The following SFSWAP variants were observed in gnomAD, a reference collection of about 807,000 sequenced individuals.
The protein encoded by SFSWAP is splicing factor, suppressor of white-apricot homolog.
Under a neutral mutation model 100.7 loss-of-function variants are expected in SFSWAP, and 17 were observed. The observed-to-expected ratio is 0.17, with a 90% confidence interval of 0.12 to 0.25. SFSWAP has a LOEUF of 0.25. Among genes scored for constraint, SFSWAP ranks in the 10% least tolerant of loss-of-function variants. SFSWAP has a pLI of 1.00. For synonymous variants in SFSWAP, 504 were observed against 510.1 expected (o/e 0.99, Z 0.16); for missense variants, 1,005 against 1,262.6 (o/e 0.80, Z 3.09).
chr12:131,787,585 G>T (rs1424147746), intron 15 of SFSWAP, among the ~76,000 whole-genome samples: 1 of 152,234 alleles, frequency 6.6e-6, no homozygotes, highest in Admixed American at 6.5e-5. Context: ...GCACATCGTA[G>T]CCTTGAGCTT....
intron 7 of SFSWAP, among the ~76,000 whole-genome samples, chr12:131,731,838 A>AT (rs918886866): frequency 2.6e-5 from 3 of 115,360 alleles, no homozygotes; most frequent in East Asian, 2.6e-4. Flanking sequence ...CATTTGGTTG[A>AT]TTTTTTTTCT....
intron 7 of SFSWAP, among the ~76,000 whole-genome samples, chr12:131,749,320 C>A (rs965917817): frequency 1.2e-4 from 18 of 152,188 alleles, no homozygotes; most frequent in African/African-American, 4.1e-4. Context: ...CAGCAGGAGC[C>A]CCTTGGCACA....
chr12:131,772,026 A>G (rs57805795), intron 13 of SFSWAP, among the ~76,000 whole-genome samples: 3,589 of 152,150 alleles, frequency 0.024, 140 homozygotes, highest in African/African-American at 0.079. Flanking sequence ...GCCTGGGCCC[A>G]TGTTTCTTCG....
chr12:131,754,627 C>CTTTTTTTTTTTTTTTTTTTT (rs869226840), intron 9 of SFSWAP, 128 bp downstream of exon 9: 4 of 79,840 alleles, frequency 5.0e-5, no homozygotes, highest in Admixed American at 2.2e-4. Context: ...GCTCAAATGT[C>CTTTTTTTTTTTTTTTTTTTT]TTTTTTTTTT....
At chr12:131,716,939 G>T (rs747949006) in intron 3 of SFSWAP, among the ~76,000 whole-genome samples, 67 of 152,264 alleles carry the variant, frequency 4.4e-4, no homozygotes, top group Non-Finnish European at 8.5e-4. Context: ...TTAAGATAAA[G>T]TTCTCTTTAG....
At position 131,725,303 on chromosome 12, in the gene SFSWAP, A is replaced by G; in HGVS notation, c.607-102A>G. 1.0e-6 allele frequency: 1 copy of G among 973,712 alleles called. No individual in the cohort carries two copies. Among genetic ancestry groups the G allele is most frequent in the Non-Finnish European group, 1.6e-6 (1 of 619,192 alleles). 60.3% of individuals were successfully genotyped at this position (973,712 alleles called of 1,614,324 possible). ...CAGCTTAAAGTCTCGTATCTCTTAA[A>G]ATTGACAGTAAAACCAGAGTCATTT... On this transcript the variant is annotated intron_variant, in intron 4 of 17. Coordinates refer to ENST00000261674, the MANE Select transcript of SFSWAP (RefSeq NM_004592.4). The surrounding 1 kb of genome is among the most constrained non-coding windows in gnomAD (Gnocchi z 4.3).
At chr12:131,799,337 C>A in intron 17 of SFSWAP, 86 bp from the exon 18 acceptor site, 2 of 1,415,386 alleles carry the variant, frequency 1.4e-6, no homozygotes, top group Non-Finnish European at 2.0e-6. Context: ...CTGGTCTTGA[C>A]CACCAACTCG....
At chr12:131,777,201 T>G (rs560819737) in intron 13 of SFSWAP, among the ~76,000 whole-genome samples, 1 of 152,330 alleles carries the variant, frequency 6.6e-6, no homozygotes, top group South Asian at 2.1e-4. Flanking sequence ...TGCAGGTTAG[T>G]TACATATGTA....
chr12:131,791,082 A>G (rs1885197175), intron 15 of SFSWAP, among the ~76,000 whole-genome samples: 1 of 152,188 alleles, frequency 6.6e-6, no homozygotes, highest in Non-Finnish European at 1.5e-5. Flanking sequence ...AAAGGCAGTG[A>G]TTGTGGAGTG....
chr12:131,759,992 T>A (rs931737165), intron 11 of SFSWAP, among the ~76,000 whole-genome samples: 3 of 152,198 alleles, frequency 2.0e-5, no homozygotes, highest in Non-Finnish European at 4.4e-5. Context: ...TTCTTTAGTA[T>A]AACACTAATT....
At chr12:131,748,629 T>C (rs1038871420) in intron 7 of SFSWAP, among the ~76,000 whole-genome samples, 1 of 152,260 alleles carries the variant, frequency 6.6e-6, no homozygotes, top group Non-Finnish European at 1.5e-5. Context: ...GAACTGGCTC[T>C]GATTTTTGCA....
chr12:131,786,405 C>T, intron 14 of SFSWAP, 58 bp from the exon 15 acceptor site: 2 of 1,528,794 alleles, frequency 1.3e-6, no homozygotes, highest in South Asian at 2.5e-5. Flanking sequence ...CAGTAGGAAG[C>T]ATGACACGTC....
Position 131,714,707 on chromosome 12 carries a change from G to T in SFSWAP, c.389-115G>T. ...TTTTTAAAACTATTTTACCTCAAAA[G>T]TAGGTTGAAAAAAGTATGTTGTATG... On this transcript the variant is annotated intron_variant, in intron 2 of 17. Transcript: ENST00000261674. This position sits in a 1 kb window ranked among gnomAD's most constrained non-coding sequence, Gnocchi z 6.0. 2.2e-6 allele frequency: 2 copies of T among 903,046 alleles called. No homozygotes were observed. The highest frequency in any genetic ancestry group is 3.4e-6 in the Non-Finnish European group (2 of 594,078). 55.9% of individuals were successfully genotyped at this position (903,046 alleles called of 1,614,324 possible).
intron 14 of SFSWAP, among the ~76,000 whole-genome samples, chr12:131,779,228 C>CGGGTGAGCGTGTGTGAAGAGGGCGGCGT (rs1884283383): frequency 2.0e-5 from 3 of 149,904 alleles, no homozygotes; most frequent in South Asian, 2.1e-4. Flanking sequence ...GAGGGCGGCG[C>CGGGTGAGCGTGTGTGAAGAGGGCGGCGT]GGGTGAGCGT....
At chr12:131,762,394 C>T (rs1374484103) in intron 11 of SFSWAP, among the ~76,000 whole-genome samples, 1 of 152,146 alleles carries the variant, frequency 6.6e-6, no homozygotes, top group Non-Finnish European at 1.5e-5. Context: ...CTGGGCAACA[C>T]AGTGAAACCC....
At chr12:131,717,775 G>C (rs1878065247) in intron 3 of SFSWAP, among the ~76,000 whole-genome samples, 1 of 152,152 alleles carries the variant, frequency 6.6e-6, no homozygotes. Context: ...CTGTCACCCA[G>C]GCTGGAATGC....
At chr12:131,774,423 T>C (rs1883853762) in intron 13 of SFSWAP, among the ~76,000 whole-genome samples, 1 of 152,212 alleles carries the variant, frequency 6.6e-6, no homozygotes, top group Non-Finnish European at 1.5e-5. Context: ...GACTAATCAA[T>C]GTTAATTTCC....
intron 15 of SFSWAP, chr12:131,796,117 T>C (rs1172574389): frequency 6.6e-5 from 10 of 151,404 alleles, no homozygotes; most frequent in Admixed American, 3.3e-4. Flanking sequence ...GCAAAGACTC[T>C]CCAAGAAACA....
At chr12:131,785,063 C>T (rs1210583491) in intron 14 of SFSWAP, 4 of 1,531,056 alleles carry the variant, frequency 2.6e-6, no homozygotes, top group South Asian at 1.2e-5. Flanking sequence ...TGTGTGCCTC[C>T]GTGTCACAGA....
Sources: allele counts gnomAD v4.1 joint callset (sites outside exome capture counted in the v4.1 genomes callset), GRCh38; gene constraint gnomAD v4.1.1; non-coding constraint Gnocchi (gnomAD v3.1); transcripts MANE v1.5; gene names NCBI Gene and HGNC (gene_info 2026-07-23, HGNC 2026-07-21).